Variants in SPATA13 observed in about 807,000 individuals in gnomAD.
SPATA13 encodes spermatogenesis associated 13, also known as spermatogenesis-associated protein 13.
In SPATA13, 50 loss-of-function variants were observed where a neutral mutation model predicts 104.0. That is an observed-to-expected ratio of 0.48 (90% confidence interval 0.38 to 0.61). The LOEUF is 0.61. Ranked by LOEUF, SPATA13 falls within the 20% of genes least tolerant of loss-of-function variation. SPATA13 has a pLI of 0.00. For synonymous variants in SPATA13, 606 were observed against 667.5 expected (o/e 0.91, Z 1.42); for missense variants, 1,524 against 1,690.6 (o/e 0.90, Z 1.73).
At chr13:24,080,528 A>G (rs1879477335) in intron 3 of SPATA13, among the ~76,000 whole-genome samples, 1 of 152,202 alleles carries the variant, frequency 6.6e-6, no homozygotes, top group African/African-American at 2.4e-5. Context: ...ATCACTGCGC[A>G]CACACAGCAG....
chr13:24,146,733 C>G (rs983357110), intron 3 of SPATA13, among the ~76,000 whole-genome samples: 3 of 152,026 alleles, frequency 2.0e-5, no homozygotes, highest in African/African-American at 7.2e-5. Flanking sequence ...TAGTATATAC[C>G]TTTGTGTCTA....
chr13:23,988,877 T>G (rs980048602), intron 2 of SPATA13, among the ~76,000 whole-genome samples: 1 of 152,162 alleles, frequency 6.6e-6, no homozygotes, highest in African/African-American at 2.4e-5. Flanking sequence ...AAAATGTCCT[T>G]TTGTTTGGCA....
intron 4 of SPATA13, among the ~76,000 whole-genome samples, chr13:24,255,518 G>A (rs140762041): frequency 6.6e-6 from 1 of 152,180 alleles, no homozygotes; most frequent in African/African-American, 2.4e-5. Flanking sequence ...GACCAAGCTG[G>A]CCCTGCTGTG....
intron 4 of SPATA13, among the ~76,000 whole-genome samples, chr13:24,274,175 G>A (rs1435574132): frequency 6.6e-6 from 1 of 152,188 alleles, no homozygotes; most frequent in Non-Finnish European, 1.5e-5. Flanking sequence ...AGAATCCATT[G>A]CCTGCAACTT....
chr13:24,256,875 A>G (rs969132796), intron 4 of SPATA13, among the ~76,000 whole-genome samples: 8 of 152,216 alleles, frequency 5.3e-5, no homozygotes, highest in African/African-American at 1.7e-4. Flanking sequence ...ACACCACTGC[A>G]TTGTTGGGGA....
intron 3 of SPATA13, among the ~76,000 whole-genome samples, chr13:24,124,799 T>C (rs1400396103): frequency 6.6e-6 from 1 of 152,232 alleles, no homozygotes; most frequent in Non-Finnish European, 1.5e-5. Context: ...ATTTTGTTAG[T>C]TTCTTACATT....
intron 3 of SPATA13, among the ~76,000 whole-genome samples, chr13:24,148,591 C>T (rs185192925): frequency 1.3e-3 from 205 of 152,264 alleles, no homozygotes; most frequent in African/African-American, 4.7e-3. Flanking sequence ...CAGTGTGATA[C>T]GTTAGGAGTT....
At chr13:24,227,602 A>G (rs766080092) in intron 2 of SPATA13, among the ~76,000 whole-genome samples, 22 of 151,970 alleles carry the variant, frequency 1.4e-4, no homozygotes, top group Non-Finnish European at 3.1e-4. Flanking sequence ...AGACAGTCTC[A>G]TTCAGTTACC....
intron 2 of SPATA13, among the ~76,000 whole-genome samples, chr13:24,241,409 CA>C (rs1475011251): frequency 6.6e-6 from 1 of 152,246 alleles, no homozygotes; most frequent in African/African-American, 2.4e-5. Context: ...CCATCTTGAA[CA>C]GGCGCATTTG....
At chr13:24,292,038 G>C (rs1053189886) in intron 9 of SPATA13, among the ~76,000 whole-genome samples, 3 of 151,590 alleles carry the variant, frequency 2.0e-5, no homozygotes, top group African/African-American at 7.3e-5. Flanking sequence ...TTACAGGCGT[G>C]AGCCACCGCG....
chr13:24,015,406 A>T (rs528735457), intron 2 of SPATA13, among the ~76,000 whole-genome samples: 1 of 152,354 alleles, frequency 6.6e-6, no homozygotes, highest in Admixed American at 6.5e-5. Flanking sequence ...GTACATTTTA[A>T]GAAAATCCTT....
intron 3 of SPATA13, among the ~76,000 whole-genome samples, chr13:24,104,030 A>G (rs932570640): frequency 2.6e-5 from 4 of 152,172 alleles, no homozygotes; most frequent in African/African-American, 7.2e-5. Context: ...AGCCTTTCTC[A>G]TTGATGGGGA....
intron 3 of SPATA13, among the ~76,000 whole-genome samples, chr13:24,022,570 G>A (rs764087213): frequency 3.3e-5 from 5 of 152,162 alleles, no homozygotes; most frequent in Non-Finnish European, 7.3e-5. Context: ...TTACTGAGCT[G>A]CACACTTGAA....
At chr13:24,094,739 C>T (rs1880016728) in intron 3 of SPATA13, among the ~76,000 whole-genome samples, 1 of 152,060 alleles carries the variant, frequency 6.6e-6, no homozygotes, top group African/African-American at 2.4e-5. Flanking sequence ...CCACTGCACT[C>T]CAGCCTGGGC....
intron 7 of SPATA13, among the ~76,000 whole-genome samples, chr13:24,288,021 T>G (rs551971484): frequency 6.6e-6 from 1 of 152,330 alleles, no homozygotes; most frequent in African/African-American, 2.4e-5. Flanking sequence ...GTTTAGCTTC[T>G]TTGTGCCAGC....
Position 24,302,663 on chromosome 13 carries a change from A to C in SPATA13, c.3724A>C (p.Thr1242Pro). The part of the protein sequence containing the change: ...GLHPIHQRHI[T>P]MPTSVPQQQV... ...GCACCCCATCCACCAGCGCCACATC[A>C]CTATGCCCACAAGCGTCCCCCAGCA... The change falls in exon 13 of 13, where the codon ACT (threonine) becomes CCT (proline). Residue 1242 changes from threonine (T) to proline (P), a missense_variant. Coordinates refer to ENST00000382108, the MANE Select transcript of SPATA13 (RefSeq NM_001166271.3). The C allele has an allele frequency of 6.2e-7, 1 of 1,613,784 alleles. No homozygotes were observed. The highest frequency in any genetic ancestry group is 8.5e-7 in the Non-Finnish European group (1 of 1,179,968).
chr13:24,029,430 T>A (rs1161361443), intron 3 of SPATA13, among the ~76,000 whole-genome samples: 1 of 152,218 alleles, frequency 6.6e-6, no homozygotes, highest in African/African-American at 2.4e-5. Context: ...TAGCCACAGA[T>A]TCTCAGGAGT....
intron 3 of SPATA13, among the ~76,000 whole-genome samples, chr13:24,098,604 A>AC (rs1880154643): frequency 1.6e-5 from 2 of 121,340 alleles, no homozygotes; most frequent in Non-Finnish European, 3.9e-5. Context: ...TAAAAAAAAA[A>AC]AAAAGAAGAA....
intron 1 of SPATA13, 47 bp from the exon 2 acceptor site, chr13:24,222,772 T>A: frequency 6.8e-7 from 1 of 1,461,924 alleles, no homozygotes; most frequent in South Asian, 1.4e-5. Context: ...GCAGAGGGGC[T>A]ACTGCGTGGG....
Sources: allele counts gnomAD v4.1 joint callset (sites outside exome capture counted in the v4.1 genomes callset), GRCh38; gene constraint gnomAD v4.1.1; transcripts MANE v1.5; gene names NCBI Gene and HGNC (gene_info 2026-07-23, HGNC 2026-07-21).